Variants in NRXN1 observed in about 807,000 individuals in gnomAD.
The protein encoded by NRXN1 is neurexin-1.
Under a neutral mutation model 150.9 loss-of-function variants are expected in NRXN1, and 39 were observed. The observed-to-expected ratio is 0.26, with a 90% confidence interval of 0.20 to 0.34. The LOEUF (loss-of-function observed/expected upper bound fraction) is 0.34, where lower values mean the gene tolerates loss of function less well. Among genes scored for constraint, NRXN1 ranks in the 10% least tolerant of loss-of-function variants. NRXN1 has a pLI of 1.00. For synonymous variants in NRXN1, 924 were observed against 757.0 expected (o/e 1.22, Z -3.62); for missense variants, 1,815 against 1,949.9 (o/e 0.93, Z 1.30).
chr2:50,631,646 C>G (rs971749768), intron 5 of NRXN1, among the ~76,000 whole-genome samples: 15 of 151,888 alleles, frequency 9.9e-5, no homozygotes, highest in African/African-American at 3.6e-4. Context: ...TTCCAAAACT[C>G]TAGTACGATA....
chr2:50,316,518 T>A (rs1012769230), intron 17 of NRXN1, among the ~76,000 whole-genome samples: 5 of 152,056 alleles, frequency 3.3e-5, no homozygotes, highest in African/African-American at 1.2e-4. Context: ...TTAAATTGGA[T>A]TAAGCAATCT....
chr2:49,991,690 C>A (rs1376308132), intron 21 of NRXN1, among the ~76,000 whole-genome samples: 1 of 152,152 alleles, frequency 6.6e-6, no homozygotes, highest in East Asian at 1.9e-4. Context: ...AGCTTCAATG[C>A]AATCCCAATC....
At chr2:50,046,612 T>C (rs1382073423) in intron 21 of NRXN1, among the ~76,000 whole-genome samples, 1 of 152,180 alleles carries the variant, frequency 6.6e-6, no homozygotes, top group Non-Finnish European at 1.5e-5. Context: ...GTGGCCATCA[T>C]TTCATATGGT....
At chr2:50,666,887 G>GTGTA (rs1688122604) in intron 5 of NRXN1, among the ~76,000 whole-genome samples, 4 of 151,286 alleles carry the variant, frequency 2.6e-5, no homozygotes, top group Admixed American at 2.0e-4. Context: ...TGATGTGTGT[G>GTGTA]TGTGTGTGTG....
chr2:50,660,758 C>T (rs1237792200), intron 5 of NRXN1, among the ~76,000 whole-genome samples: 1 of 151,978 alleles, frequency 6.6e-6, no homozygotes, highest in African/African-American at 2.4e-5. Context: ...TTAGGGTCCT[C>T]CAAGATACTG....
intron 18 of NRXN1, among the ~76,000 whole-genome samples, chr2:50,178,809 G>A (rs1002124911): frequency 6.6e-6 from 1 of 152,090 alleles, no homozygotes; most frequent in African/African-American, 2.4e-5. Context: ...AATGAAAAGA[G>A]CTTTGAGAAC....
chr2:50,984,105 C>CTA (rs1172212992), intron 2 of NRXN1, among the ~76,000 whole-genome samples: 2 of 146,320 alleles, frequency 1.4e-5, no homozygotes, highest in Non-Finnish European at 3.0e-5. Flanking sequence ...GTAGCTATGA[C>CTA]TACAGGTGCT....
intron 21 of NRXN1, among the ~76,000 whole-genome samples, chr2:49,993,032 A>G (rs143341927): frequency 9.2e-5 from 14 of 152,310 alleles, no homozygotes; most frequent in South Asian, 4.1e-4. Context: ...TACTTTTACC[A>G]TACAATCCAG....
chr2:50,010,271 G>T (rs940829538), intron 21 of NRXN1, among the ~76,000 whole-genome samples: 3 of 152,012 alleles, frequency 2.0e-5, no homozygotes, highest in African/African-American at 7.2e-5. Context: ...AGATTAGCTG[G>T]GATGGCCGAG....
chr2:51,022,721 TA>T (rs1419164379), intron 2 of NRXN1, among the ~76,000 whole-genome samples: 1 of 152,178 alleles, frequency 6.6e-6, no homozygotes, highest in Admixed American at 6.5e-5. Context: ...TCTACTTATA[TA>T]ATAACTACTT....
At chr2:50,068,273 T>C (rs17039749) in intron 19 of NRXN1, among the ~76,000 whole-genome samples, 1,841 of 152,310 alleles carry the variant, frequency 0.012, 37 homozygotes, top group African/African-American at 0.043. Context: ...ATAAAGGTGC[T>C]GGATAATTGC....
chr2:50,126,679 G>T (rs1704633208), intron 18 of NRXN1, among the ~76,000 whole-genome samples: 1 of 151,784 alleles, frequency 6.6e-6, no homozygotes, highest in Non-Finnish European at 1.5e-5. Flanking sequence ...TTTTCTTCAA[G>T]AGAACATCTC....
intron 21 of NRXN1, among the ~76,000 whole-genome samples, chr2:50,014,671 T>G (rs1686274215): frequency 6.6e-6 from 1 of 152,170 alleles, no homozygotes; most frequent in South Asian, 2.1e-4. Context: ...CTTTTTGTAG[T>G]TGAGGACATG....
At chr2:50,674,467 G>C (rs1328137256) in intron 5 of NRXN1, among the ~76,000 whole-genome samples, 1 of 152,062 alleles carries the variant, frequency 6.6e-6, no homozygotes, top group Non-Finnish European at 1.5e-5. Context: ...GTGATTTTTA[G>C]ACAGGAATAG....
At chr2:50,394,044 C>T (rs550061385) in intron 17 of NRXN1, among the ~76,000 whole-genome samples, 10 of 152,156 alleles carry the variant, frequency 6.6e-5, no homozygotes, top group African/African-American at 1.7e-4. Context: ...GGATGTCACA[C>T]GCTAGTTCTA....
intron 5 of NRXN1, among the ~76,000 whole-genome samples, chr2:50,774,532 A>G (rs921462214): frequency 1.3e-5 from 2 of 152,328 alleles, no homozygotes; most frequent in African/African-American, 4.8e-5. Flanking sequence ...TATGTTTTAT[A>G]AAATAATGTT....
intron 5 of NRXN1, among the ~76,000 whole-genome samples, chr2:50,822,399 T>C (rs563807574): frequency 6.6e-6 from 1 of 152,270 alleles, no homozygotes; most frequent in East Asian, 1.9e-4. Flanking sequence ...ATTAGTTATA[T>C]TTAAGTGATT....
intron 5 of NRXN1, among the ~76,000 whole-genome samples, chr2:50,625,343 C>A (rs777301618): frequency 6.6e-6 from 1 of 151,882 alleles, no homozygotes; most frequent in Non-Finnish European, 1.5e-5. Flanking sequence ...GGAATTGAGC[C>A]CTGGAATATT....
chr2:50,142,960 C>T (rs991733998), intron 18 of NRXN1, among the ~76,000 whole-genome samples: 2 of 151,628 alleles, frequency 1.3e-5, no homozygotes, highest in Non-Finnish European at 1.5e-5. Flanking sequence ...TCACCCTATC[C>T]CCGTAACAGA....
Sources: allele counts gnomAD v4.1 joint callset (sites outside exome capture counted in the v4.1 genomes callset), GRCh38; gene constraint gnomAD v4.1.1; transcripts MANE v1.5; gene names NCBI Gene and HGNC (gene_info 2026-07-23, HGNC 2026-07-21).